The following FRRS1L variants were observed in gnomAD, a reference collection of about 807,000 sequenced individuals.
The protein encoded by FRRS1L is ferric chelate reductase 1 like, also known as DOMON domain-containing protein FRRS1L.
In FRRS1L, 22 loss-of-function variants were observed where a neutral mutation model predicts 28.6. The ratio of observed to expected loss-of-function variants is 0.77; its 90% CI spans 0.55 to 1.10. The LOEUF (loss-of-function observed/expected upper bound fraction) is 1.10. Among genes scored for constraint, FRRS1L ranks in the 50% least tolerant of loss-of-function variants. The probability of loss-of-function intolerance (pLI) is 0.00; values close to 1 mark genes in which losing one functional copy is unlikely to be tolerated. For missense variants in FRRS1L, 380 were observed against 386.9 expected (o/e 0.98, Z 0.15); for synonymous variants, 158 against 151.4 (o/e 1.04, Z -0.32).
intron 1 of FRRS1L, among the ~76,000 whole-genome samples, chr9:109,155,319 C>T (rs1831390595): frequency 6.6e-6 from 1 of 152,138 alleles, no homozygotes. Context: ...GAAATCTATC[C>T]ACATATGTAA....
At position 109,130,460 on chromosome 9, in the gene FRRS1L, T is replaced by C. The variant is rs1831045162; in HGVS notation, c.*6995A>G. ...GGACAGAACAATCATTTAGGTAGCA[T>C]CTAGGAATATTGCTACAATTACTTT... On this transcript the variant is annotated 3_prime_UTR_variant, in exon 5 of 5. Coordinates refer to ENST00000561981, the MANE Select transcript of FRRS1L (RefSeq NM_014334.4). 6.6e-6 allele frequency: 1 copy of C among 152,218 alleles called. No homozygotes were observed. Among genetic ancestry groups the C allele is most frequent in the Non-Finnish European group, 1.5e-5 (1 of 68,030 alleles). 9.4% of individuals were successfully genotyped at this position (152,218 alleles called of 1,614,324 possible). A position where few individuals can be genotyped will look rare whatever the true frequency, so the allele number is the denominator to read the frequency against.
intron 1 of FRRS1L, among the ~76,000 whole-genome samples, chr9:109,164,489 C>T (rs1831521578): frequency 1.3e-5 from 2 of 151,132 alleles, no homozygotes; most frequent in South Asian, 4.2e-4. Context: ...CTCCCCACCT[C>T]CTGGGTTCAA....
In FRRS1L at chr9:109,130,308, T is replaced by C. The variant is rs1831042662; in HGVS notation, c.*7147A>G. Reference sequence around the variant, plus strand: ...AGCAAAGCAATAAGGAATTATAAACTAACTTTAATTACATCAACAGGAAGA... The same window carrying C: ...AGCAAAGCAATAAGGAATTATAAACCAACTTTAATTACATCAACAGGAAGA... On this transcript the variant is annotated 3_prime_UTR_variant, in exon 5 of 5. Coordinates refer to ENST00000561981, the MANE Select transcript of FRRS1L (RefSeq NM_014334.4). The C allele has an allele frequency of 6.6e-6, 1 of 152,226 alleles. No homozygotes were observed. 9.4% of individuals were successfully genotyped at this position (152,226 alleles called of 1,614,324 possible).
At position 109,147,122 on chromosome 9, in the gene FRRS1L, C is replaced by T. The variant is rs770490096; in HGVS notation, c.391G>A (p.Asp131Asn). ...YFLSYRMIGADVEFELSADTD... is the reference protein window; with the variant it reads ...YFLSYRMIGANVEFELSADTD... ...TCTGCACTCAGCTCAAATTCTACAT[C>T]AGCCCCTATCATCCGGTAGCTGAGG... is the stretch of plus-strand genomic sequence containing the variant. Residue 131 changes from aspartate to asparagine, a missense_variant, in exon 3 of 5, where the codon GAT (aspartate) becomes AAT (asparagine). Coordinates refer to ENST00000561981, the MANE Select transcript of FRRS1L (RefSeq NM_014334.4). 1.1e-5 allele frequency: 18 copies of T among 1,613,256 alleles called. No individual in the cohort carries two copies. Among genetic ancestry groups the T allele is most frequent in the Non-Finnish European group, 1.4e-5 (17 of 1,179,294 alleles).
intron 4 of FRRS1L, chr9:109,138,573 C>T (rs1246442363): frequency 2.0e-5 from 3 of 152,206 alleles, no homozygotes. Flanking sequence ...AATCAAACTT[C>T]TCAGGTTTGT....
At chr9:109,158,716 C>G (rs1265088052) in intron 1 of FRRS1L, among the ~76,000 whole-genome samples, 1 of 152,214 alleles carries the variant, frequency 6.6e-6, no homozygotes, top group African/African-American at 2.4e-5. Flanking sequence ...GGATCAACCA[C>G]ATGTGTATAT....
At chr9:109,161,422 T>G in intron 1 of FRRS1L, among the ~76,000 whole-genome samples, 1 of 152,212 alleles carries the variant, frequency 6.6e-6, no homozygotes, top group African/African-American at 2.4e-5. Flanking sequence ...TCTGCTGACA[T>G]GGACTCTATA....
intron 1 of FRRS1L, among the ~76,000 whole-genome samples, chr9:109,156,682 C>T (rs1168548438): frequency 1.3e-5 from 2 of 149,576 alleles, no homozygotes; most frequent in Non-Finnish European, 3.0e-5. Flanking sequence ...AGCCACTGCA[C>T]CTGGATGTTT....
chr9:109,154,133 T>C (rs10979713), intron 1 of FRRS1L, among the ~76,000 whole-genome samples: 48,460 of 152,134 alleles, frequency 0.32, 8,090 homozygotes, highest in Middle Eastern at 0.37. Flanking sequence ...CATGCTGCTC[T>C]GAGGCATCAG....
At chr9:109,149,498 A>G in intron 2 of FRRS1L, 138 bp downstream of exon 2, 1 of 600,678 alleles carries the variant, frequency 1.7e-6, no homozygotes, top group Non-Finnish European at 3.0e-6. Flanking sequence ...GATGGCCGTT[A>G]CGAAACTTCA....
At chr9:109,150,991 G>A (rs1831323852) in intron 1 of FRRS1L, 1 of 151,854 alleles carries the variant, frequency 6.6e-6, no homozygotes, top group Non-Finnish European at 1.5e-5. Context: ...TTTTTCTTTG[G>A]GATTTGTAAT....
intron 1 of FRRS1L, among the ~76,000 whole-genome samples, chr9:109,153,573 T>C (rs1001028902): frequency 4.6e-5 from 7 of 152,322 alleles, no homozygotes; most frequent in East Asian, 3.9e-4. Context: ...CACTTTTTTT[T>C]CCCTGAGTTC....
chr9:109,154,640 T>C (rs1214685870), intron 1 of FRRS1L, among the ~76,000 whole-genome samples: 1 of 152,222 alleles, frequency 6.6e-6, no homozygotes, highest in African/African-American at 2.4e-5. Flanking sequence ...ATTATCAGTC[T>C]ATACAAAGCC....
intron 3 of FRRS1L, 119 bp downstream of exon 3, chr9:109,146,932 A>T: frequency 2.2e-6 from 2 of 920,636 alleles, no homozygotes; most frequent in South Asian, 1.7e-5. Context: ...ACTTGCAATC[A>T]GAGAGCCATA....
chr9:109,146,013 C>T (rs557278736), intron 3 of FRRS1L, among the ~76,000 whole-genome samples: 3 of 152,162 alleles, frequency 2.0e-5, no homozygotes, highest in East Asian at 1.9e-4. Flanking sequence ...CTGGCCAACA[C>T]GGTGAAACCT....
intron 1 of FRRS1L, among the ~76,000 whole-genome samples, chr9:109,161,564 T>G (rs1384487943): frequency 3.9e-5 from 6 of 152,172 alleles, no homozygotes; most frequent in Admixed American, 1.3e-4. Context: ...CTTGGTTGAT[T>G]TTTTAGGTTC....
Position 109,131,723 on chromosome 9 carries a change from G to A in FRRS1L, c.*5732C>T, listed in dbSNP as rs1223455462. On this transcript the variant is annotated 3_prime_UTR_variant, in exon 5 of 5. Transcript: ENST00000561981. ...CTCTTAAGTTGAACCATCCAAATTC[G>A]GGGATCGTCTGTGTATATAAACACA... 3 of 152,112 alleles carry A rather than the reference G, an allele frequency of 2.0e-5. No individual in the cohort carries two copies. The highest frequency in any genetic ancestry group is 4.8e-5 in the African/African-American group (2 of 41,418). The allele number at this position is 152,112 out of a possible 1,614,324, so 9.4% of individuals were successfully genotyped here. A position where few individuals can be genotyped will look rare whatever the true frequency, so the allele number is the denominator to read the frequency against.
chr9:109,162,506 G>A (rs915285562), intron 1 of FRRS1L, among the ~76,000 whole-genome samples: 1 of 152,140 alleles, frequency 6.6e-6, no homozygotes, highest in Non-Finnish European at 1.5e-5. Context: ...CTTTCTGTGG[G>A]TCAGTTTCTT....
At chr9:109,157,423 G>A (rs1014178438) in intron 1 of FRRS1L, among the ~76,000 whole-genome samples, 1 of 152,050 alleles carries the variant, frequency 6.6e-6, no homozygotes, top group Non-Finnish European at 1.5e-5. Flanking sequence ...GCCTCACTGT[G>A]TCACCCAGGC....
Sources: allele counts gnomAD v4.1 joint callset (sites outside exome capture counted in the v4.1 genomes callset), GRCh38; gene constraint gnomAD v4.1.1; transcripts MANE v1.5; gene names NCBI Gene and HGNC (gene_info 2026-07-23, HGNC 2026-07-21).